GAS2: variants seen among roughly 807,000 people sequenced by gnomAD.
GAS2 encodes growth arrest specific 2.
Under a neutral mutation model 37.5 loss-of-function variants are expected in GAS2, and 20 were observed. The ratio of observed to expected loss-of-function variants is 0.53; its 90% CI spans 0.37 to 0.77. GAS2 has a LOEUF of 0.77. GAS2 is among the 30% of genes least tolerant of loss of function. GAS2 has a pLI of 0.00. For synonymous variants in GAS2, 144 were observed against 132.2 expected (o/e 1.09, Z -0.61); for missense variants, 336 against 373.4 (o/e 0.90, Z 0.82).
chr11:22,643,708 A>G (rs1280079073), intron 1 of GAS2, among the ~76,000 whole-genome samples: 3 of 152,096 alleles, frequency 2.0e-5, no homozygotes, highest in Non-Finnish European at 4.4e-5. Context: ...AAAGAAAAAA[A>G]AAATACGGAC....
At chr11:22,789,450 A>T in intron 7 of GAS2, among the ~76,000 whole-genome samples, 4 of 90,550 alleles carry the variant, frequency 4.4e-5, no homozygotes, top group African/African-American at 1.6e-4. Flanking sequence ...ATATATATAT[A>T]TATATTCTTT....
At chr11:22,746,754 A>T (rs922610027) in intron 5 of GAS2, among the ~76,000 whole-genome samples, 6 of 152,172 alleles carry the variant, frequency 3.9e-5, no homozygotes, top group African/African-American at 1.4e-4. Flanking sequence ...TGGTACTATG[A>T]TCACTACCTG....
chr11:22,626,746 A>C (rs1049547912), intron 1 of GAS2: 20 of 152,318 alleles, frequency 1.3e-4, no homozygotes, highest in Non-Finnish European at 2.4e-4. Flanking sequence ...AAACTATTCG[A>C]AAAGTGGGGG....
At chr11:22,761,585 A>C (rs183502611) in intron 7 of GAS2, among the ~76,000 whole-genome samples, 24 of 152,292 alleles carry the variant, frequency 1.6e-4, no homozygotes, top group Non-Finnish European at 2.5e-4. Flanking sequence ...ATAGTTCCAG[A>C]AGATGTTCAA....
At chr11:22,674,723 G>A in intron 1 of GAS2, 127 bp from the exon 2 acceptor site, 1 of 669,186 alleles carries the variant, frequency 1.5e-6, no homozygotes, top group Admixed American at 3.4e-5. Flanking sequence ...GTTTCATGGG[G>A]TTAATAATTA....
rs141661590 is a variant in GAS2, at chr11:22,643,400, G to T, written c.-21+17587G>T. ...AGTACTTGAGTTAGTCCCACTGGAA[G>T]GGGCTTCTATGACTTTTACCATTTT... is the stretch of plus-strand genomic sequence containing the variant. On this transcript the variant is annotated intron_variant, in intron 1 of 5. Coordinates refer to the GAS2 transcript ENST00000528582. Among the ~76,000 whole-genome samples the T allele has an allele frequency of 4.7e-3, 718 of 151,384 alleles. 5 individuals carry two copies. Among genetic ancestry groups the T allele is most frequent in the African/African-American group, 0.017 (681 of 41,158 alleles).
intron 3 of GAS2, among the ~76,000 whole-genome samples, chr11:22,713,982 T>C (rs1174451987): frequency 6.6e-6 from 1 of 151,596 alleles, no homozygotes; most frequent in African/African-American, 2.4e-5. Context: ...AAAAACAGGG[T>C]ATTCAGGTAA....
At chr11:22,715,697 T>C (rs564560992) in intron 3 of GAS2, among the ~76,000 whole-genome samples, 2 of 151,712 alleles carry the variant, frequency 1.3e-5, no homozygotes, top group Non-Finnish European at 2.9e-5. Flanking sequence ...AAGATTGAAA[T>C]AGTAATTTTT....
intron 7 of GAS2, among the ~76,000 whole-genome samples, chr11:22,797,431 G>A (rs1257673074): frequency 6.6e-6 from 1 of 152,050 alleles, no homozygotes; most frequent in Admixed American, 6.6e-5. Flanking sequence ...GAATATTTCT[G>A]ACCCAAGGCC....
chr11:22,688,320 C>T (rs1022714473), intron 3 of GAS2: 1 of 151,962 alleles, frequency 6.6e-6, no homozygotes, highest in African/African-American at 2.4e-5. Context: ...TAAGTATTTT[C>T]GATTAACTAT....
intron 4 of GAS2, chr11:22,731,327 A>G (rs1425116323): frequency 2.2e-6 from 1 of 447,354 alleles, no homozygotes; most frequent in African/African-American, 2.0e-5. Context: ...TTGGATAATT[A>G]TAGGATTTGG....
At chr11:22,700,840 G>A (rs1389439227) in intron 3 of GAS2, among the ~76,000 whole-genome samples, 1 of 152,048 alleles carries the variant, frequency 6.6e-6, no homozygotes, top group Non-Finnish European at 1.5e-5. Flanking sequence ...TTAAATTGTA[G>A]GGCTTTTAGG....
chr11:22,635,448 A>C (rs1485141186), intron 1 of GAS2, among the ~76,000 whole-genome samples: 1 of 152,168 alleles, frequency 6.6e-6, no homozygotes. Flanking sequence ...CACATCTCAC[A>C]CCTGCAGTGT....
chr11:22,809,758 T>C (rs1857055343), intron 7 of GAS2, among the ~76,000 whole-genome samples: 1 of 151,188 alleles, frequency 6.6e-6, no homozygotes. Flanking sequence ...CCTCCCAAAG[T>C]GTTGAGATTA....
intron 7 of GAS2, among the ~76,000 whole-genome samples, chr11:22,760,948 C>G (rs148802139): frequency 2.8e-4 from 43 of 152,178 alleles, no homozygotes; most frequent in African/African-American, 1.0e-3. Context: ...TCCTATCTTC[C>G]GGAAAATGGT....
At chr11:22,773,538 C>T (rs901182685) in intron 7 of GAS2, among the ~76,000 whole-genome samples, 5 of 151,602 alleles carry the variant, frequency 3.3e-5, no homozygotes, top group South Asian at 2.1e-4. Context: ...GGACTGCAGG[C>T]GCCCGCCACC....
At chr11:22,635,908 AG>A (rs1858815070) in intron 1 of GAS2, among the ~76,000 whole-genome samples, 1 of 152,124 alleles carries the variant, frequency 6.6e-6, no homozygotes, top group Non-Finnish European at 1.5e-5. Context: ...GGCCTGGGGC[AG>A]GTTCCCCAAT....
chr11:22,672,280 T>C (rs1483272288), intron 1 of GAS2, among the ~76,000 whole-genome samples: 2 of 152,184 alleles, frequency 1.3e-5, no homozygotes, highest in East Asian at 3.8e-4. Flanking sequence ...TTACTTAATG[T>C]TCATCTCTAA....
chr11:22,782,466 T>C (rs1017853042), intron 7 of GAS2, among the ~76,000 whole-genome samples: 1 of 152,136 alleles, frequency 6.6e-6, no homozygotes, highest in African/African-American at 2.4e-5. Flanking sequence ...TACAAAGCTA[T>C]ATTGCCCAGT....
Sources: allele counts gnomAD v4.1 joint callset (sites outside exome capture counted in the v4.1 genomes callset), GRCh38; gene constraint gnomAD v4.1.1; transcripts MANE v1.5; gene names NCBI Gene and HGNC (gene_info 2026-07-23, HGNC 2026-07-21).